ENAH: variants seen among roughly 807,000 people sequenced by gnomAD.
ENAH encodes ENAH actin regulator, also known as protein enabled homolog.
Under a neutral mutation model 78.7 loss-of-function variants are expected in ENAH, and 23 were observed. The ratio of observed to expected loss-of-function variants is 0.29; its 90% confidence interval spans 0.21 to 0.41. The LOEUF (loss-of-function observed/expected upper bound fraction) is 0.41. ENAH is among the 10% of genes least tolerant of loss of function. The pLI, the probability that ENAH is intolerant of heterozygous loss-of-function variation, is 1.00. For synonymous variants in ENAH, 226 were observed against 241.0 expected (o/e 0.94, Z 0.58); for missense variants, 544 against 691.0 (o/e 0.79, Z 2.39).
intron 1 of ENAH, among the ~76,000 whole-genome samples, chr1:225,620,459 G>T (rs1397375955): frequency 1.3e-5 from 2 of 152,050 alleles, no homozygotes; most frequent in Admixed American, 1.3e-4. Context: ...TGTACCCAGG[G>T]GGCGGAGGTT....
At chr1:225,557,954 A>G (rs1393994826) in intron 2 of ENAH, among the ~76,000 whole-genome samples, 2 of 152,200 alleles carry the variant, frequency 1.3e-5, no homozygotes, top group African/African-American at 4.8e-5. Flanking sequence ...CATTTTATCA[A>G]GTCCTCCCCA....
In ENAH at chr1:225,488,190, A is replaced by T. The variant is rs1409004632; in HGVS notation, c.*9585T>A. 2 of 151,798 alleles carry T rather than the reference A, an allele frequency of 1.3e-5. No individual in the cohort carries two copies. The highest frequency in any genetic ancestry group is 4.8e-5 in the African/African-American group (2 of 41,348). 9.4% of individuals were successfully genotyped at this position (151,798 alleles called of 1,614,324 possible). On this transcript the variant is annotated 3_prime_UTR_variant, in exon 14 of 14. Coordinates refer to ENST00000366843, the MANE Select transcript of ENAH (RefSeq NM_018212.6). ...TTATTTATTTATTTATTATTTATTT[A>T]TTTATTTTTTAAGGAGACAGGCCTC...
At chr1:225,609,956 G>A (rs910349336) in intron 1 of ENAH, among the ~76,000 whole-genome samples, 6 of 151,860 alleles carry the variant, frequency 4.0e-5, no homozygotes, top group African/African-American at 9.7e-5. Flanking sequence ...GAGCCACCGC[G>A]CCCGGCCTAC....
chr1:225,585,333 C>T (rs2096840828), intron 1 of ENAH, among the ~76,000 whole-genome samples: 1 of 145,910 alleles, frequency 6.9e-6, no homozygotes, highest in Non-Finnish European at 1.5e-5. Context: ...AACAGAAGTA[C>T]ACAAAAAAAT....
intron 1 of ENAH, among the ~76,000 whole-genome samples, chr1:225,600,287 G>T (rs1224453594): frequency 6.6e-6 from 1 of 152,120 alleles, no homozygotes; most frequent in Non-Finnish European, 1.5e-5. Context: ...AGGATCACTT[G>T]AGCCCAGGAG....
intron 1 of ENAH, among the ~76,000 whole-genome samples, chr1:225,648,002 G>A (rs1662282904): frequency 6.6e-6 from 1 of 152,158 alleles, no homozygotes; most frequent in Non-Finnish European, 1.5e-5. Flanking sequence ...AGGAATAGTG[G>A]GGGACAAGGG....
intron 10 of ENAH, among the ~76,000 whole-genome samples, 171 bp from the exon 11 acceptor site, chr1:225,508,188 T>G (rs1003834652): frequency 3.9e-5 from 6 of 152,108 alleles, no homozygotes; most frequent in Non-Finnish European, 8.8e-5. Context: ...ATTTGCACAA[T>G]GCCAGACCTT....
chr1:225,585,394 ATATTT>A (rs2096841122), intron 1 of ENAH, among the ~76,000 whole-genome samples: 1 of 152,180 alleles, frequency 6.6e-6, no homozygotes, highest in Non-Finnish European at 1.5e-5. Flanking sequence ...GACTCATTTG[ATATTT>A]TAAAGACACT....
chr1:225,512,960 T>C lies in ENAH; in HGVS notation c.1275A>G (p.Ser425=). 1 of 1,613,900 alleles carries C rather than the reference T, an allele frequency of 6.2e-7. No homozygotes were observed. Among genetic ancestry groups the C allele is most frequent in the South Asian group, 1.1e-5 (1 of 91,070 alleles). The part of the protein sequence containing the change: ...GGNAIGVNSA[S]SKTDTGRGNG... ...TTCCACGGCCTGTATCTGTTTTAGA[T>C]GAGGCGGAGTTCACACCAATAGCAT... The change falls in exon 8 of 14, where the codon TCA becomes TCG. Residue 425 remains serine (S), a synonymous_variant. Transcript: ENST00000366843.
intron 12 of ENAH, 131 bp from the exon 13 acceptor site, chr1:225,498,535 T>C (rs1184988976): frequency 3.3e-6 from 2 of 603,624 alleles, no homozygotes; most frequent in Non-Finnish European, 5.7e-6. Flanking sequence ...CACAATTCTA[T>C]TTCTTGGAAG....
chr1:225,614,250 G>T (rs2097010729), intron 1 of ENAH, among the ~76,000 whole-genome samples: 1 of 152,016 alleles, frequency 6.6e-6, no homozygotes, highest in Admixed American at 6.6e-5. Flanking sequence ...GTAGAGACGG[G>T]GTTTCCCCAT....
At chr1:225,581,192 C>G (rs968553547) in intron 1 of ENAH, 29 of 791,750 alleles carry the variant, frequency 3.7e-5, no homozygotes, top group Non-Finnish European at 3.8e-5. Context: ...ACTTCCCTAT[C>G]TTAATAAATT....
Position 225,517,079 on chromosome 1 carries a change from T to C in ENAH, c.913+117A>G. ...TAAAAAAAAAAAAAGCATGGCATTA[T>C]GGCATATAAATGTTCAAGGATCAAA... On this transcript the variant is annotated intron_variant, in intron 6 of 13. Coordinates refer to ENST00000366843, the MANE Select transcript of ENAH (RefSeq NM_018212.6). 6 of 725,856 alleles carry C rather than the reference T, an allele frequency of 8.3e-6. No homozygotes were observed. In the South Asian group the frequency reaches 2.2e-4, roughly 26 times the overall value. 45.0% of individuals were successfully genotyped at this position (725,856 alleles called of 1,614,324 possible).
At chr1:225,518,757 T>C (rs1409851198) in intron 5 of ENAH, among the ~76,000 whole-genome samples, 1 of 152,174 alleles carries the variant, frequency 6.6e-6, no homozygotes, top group East Asian at 1.9e-4. Flanking sequence ...TTAGAGAATA[T>C]TTCTCTAAAA....
intron 11 of ENAH, among the ~76,000 whole-genome samples, chr1:225,503,678 AC>A (rs1558711437): frequency 1.3e-4 from 18 of 138,812 alleles, no homozygotes; most frequent in South Asian, 2.6e-4. Flanking sequence ...AAAAAAAAAA[AC>A]ACAAAACTAT....
At chr1:225,500,893 T>A in intron 12 of ENAH, 99 bp downstream of exon 12, 1 of 1,117,790 alleles carries the variant, frequency 8.9e-7, no homozygotes, top group South Asian at 1.5e-5. Flanking sequence ...TCTATCGTCT[T>A]TCTAAGTACA....
chr1:225,653,333 A>ACGC (rs1553471486), upstream of ENAH, among the ~76,000 whole-genome samples: 1 of 149,862 alleles, frequency 6.7e-6, no homozygotes, highest in Non-Finnish European at 1.5e-5. This position sits in a 1 kb window ranked among gnomAD's most constrained non-coding sequence, Gnocchi z 4.3. Flanking sequence ...AGCGAGCGCG[A>ACGC]CGGCGGCGGC....
chr1:225,588,970 A>G (rs1196306841), intron 1 of ENAH, among the ~76,000 whole-genome samples: 1 of 152,232 alleles, frequency 6.6e-6, no homozygotes, highest in Non-Finnish European at 1.5e-5. Context: ...TATTCACCCA[A>G]AGATTCATCA....
intron 4 of ENAH, among the ~76,000 whole-genome samples, chr1:225,524,294 T>C (rs1260959819): frequency 3.3e-5 from 5 of 152,166 alleles, no homozygotes; most frequent in Non-Finnish European, 7.3e-5. Flanking sequence ...TTAAGTAACA[T>C]CAGTTCAAAA....
Sources: gnomAD v4.1 joint callset for allele counts (sites outside exome capture counted in the v4.1 genomes callset) on GRCh38, gnomAD v4.1.1 for gene constraint, Gnocchi (gnomAD v3.1) non-coding constraint, MANE v1.5 for transcripts, NCBI Gene and HGNC (gene_info 2026-07-23, HGNC 2026-07-21) for gene names.